HPRT1: variants seen among roughly 807,000 people sequenced by gnomAD.
The protein encoded by HPRT1 is hypoxanthine-guanine phosphoribosyltransferase.
A neutral mutation model predicts 19.0 loss-of-function variants in HPRT1; 4 were observed. That is an observed-to-expected ratio of 0.21 (90% CI 0.10 to 0.48). HPRT1 has a LOEUF of 0.48. Among genes scored for constraint, HPRT1 ranks in the 20% least tolerant of loss-of-function variants. The pLI, the probability that HPRT1 is intolerant of heterozygous loss-of-function variation, is 0.98. For missense variants in HPRT1, 65 were observed against 164.0 expected, an observed-to-expected ratio of 0.40 and a Z score of 3.30; for synonymous variants, 53 against 54.9, an observed-to-expected ratio of 0.97 and a Z score of 0.15.
Position 134,498,635 on chromosome X carries a change from T to TG in HPRT1, c.560_561insG (p.Phe187LeufsTer8). ...GTTGGATTTGAAATTCCAGACAAGT[T>TG]TGTTGTAGGATATGCCCTTGACTAT... On this transcript the variant is annotated frameshift_variant, in exon 8 of 9. Transcript: ENST00000298556. LOFTEE classifies it high-confidence loss of function. 1 of 1,187,567 alleles carries TG rather than the reference T, an allele frequency of 8.4e-7. No homozygotes were observed. Among genetic ancestry groups the TG allele is most frequent in the Non-Finnish European group, 1.1e-6 (1 of 873,225 alleles).
chrX:134,498,209 C>T (rs1236985126), intron 6 of HPRT1, among the ~76,000 whole-genome samples, 181 bp from the exon 7 acceptor site: 1 of 111,906 alleles, frequency 8.9e-6, no homozygotes, highest in Admixed American at 9.5e-5. Context: ...CATTGCTGCC[C>T]CTTCCTAGTA....
intron 1 of HPRT1, among the ~76,000 whole-genome samples, chrX:134,460,929 C>T (rs982797179): frequency 9.0e-6 from 1 of 111,598 alleles, no homozygotes; most frequent in African/African-American, 3.3e-5. Context: ...CACGAAGGAA[C>T]TAGGGAAAAG....
At chrX:134,497,394 G>A (rs72615440) in intron 6 of HPRT1, among the ~76,000 whole-genome samples, 1 of 111,521 alleles carries the variant, frequency 9.0e-6, no homozygotes. Flanking sequence ...CACTTTGGGA[G>A]GCCGAGGTGG....
intron 1 of HPRT1, among the ~76,000 whole-genome samples, chrX:134,463,307 T>C (rs765344119): frequency 2.1e-4 from 23 of 112,014 alleles, no homozygotes; most frequent in Non-Finnish European, 3.9e-4. Flanking sequence ...GTGAAAGATA[T>C]GCTTTATGTG....
chrX:134,460,197 A>C lies in HPRT1; in HGVS notation c.-115A>C, dbSNP rs1366914964. 1 of 820,068 alleles carries C rather than the reference A, an allele frequency of 1.2e-6. No homozygotes were observed. The highest frequency in any genetic ancestry group is 3.8e-4 in the Middle Eastern group (1 of 2,640). 67.6% of individuals were successfully genotyped at this position (820,068 alleles called of 1,213,427 possible). On this transcript the variant is annotated 5_prime_UTR_variant, in exon 1 of 9. Coordinates refer to ENST00000298556, the MANE Select transcript of HPRT1 (RefSeq NM_000194.3). The stretch of plus-strand genomic sequence containing the variant: ...GGCGGCTGCGACGAGCCCTCAGGCG[A>C]ACCTCTCGGCTTTCCCGCGCGGCGC...
intron 1 of HPRT1, among the ~76,000 whole-genome samples, chrX:134,466,679 C>A (rs1398207652): frequency 8.9e-6 from 1 of 111,928 alleles, no homozygotes; most frequent in Non-Finnish European, 1.9e-5. Flanking sequence ...ACATGCAACA[C>A]CAAGTCACAA....
intron 6 of HPRT1, among the ~76,000 whole-genome samples, chrX:134,493,852 A>G (rs1315839137): frequency 9.0e-6 from 1 of 111,492 alleles, no homozygotes; most frequent in Non-Finnish European, 1.9e-5. Context: ...ATAGCATGGC[A>G]GAGGATTTTG....
chrX:134,483,696 A>G (rs2077645475), intron 3 of HPRT1, among the ~76,000 whole-genome samples: 1 of 111,684 alleles, frequency 9.0e-6, no homozygotes, highest in African/African-American at 3.3e-5. Context: ...CAGACAGCCA[A>G]GGAGGGAGGT....
intron 2 of HPRT1, among the ~76,000 whole-genome samples, chrX:134,474,080 A>G (rs2077617187): frequency 1.8e-5 from 2 of 111,831 alleles, no homozygotes; most frequent in Admixed American, 9.6e-5. Flanking sequence ...ATTTTAACGT[A>G]TGAGTATAGT....
chrX:134,483,477 A>G (rs755601776), intron 3 of HPRT1, among the ~76,000 whole-genome samples: 2 of 111,696 alleles, frequency 1.8e-5, no homozygotes, highest in Non-Finnish European at 3.8e-5. Context: ...TTCTCTGGCA[A>G]TTTTATGTAG....
intron 6 of HPRT1, among the ~76,000 whole-genome samples, chrX:134,495,165 C>T (rs1336637914): frequency 2.9e-5 from 3 of 102,953 alleles, no homozygotes; most frequent in African/African-American, 1.1e-4. Context: ...CACTGCACTC[C>T]AGCCTGGGTG....
chrX:134,477,153 C>T (rs190507212), intron 3 of HPRT1, among the ~76,000 whole-genome samples: 243 of 106,224 alleles, frequency 2.3e-3, no homozygotes, highest in African/African-American at 7.9e-3. Flanking sequence ...CTCCACCTCC[C>T]GGGTTCAAGC....
At chrX:134,498,533 A>G in intron 7 of HPRT1, 75 bp from the exon 8 acceptor site, 1 of 981,092 alleles carries the variant, frequency 1.0e-6, no homozygotes, top group Non-Finnish European at 1.5e-6. Flanking sequence ...ATATTTGTAG[A>G]GAGGCACATT....
chrX:134,486,459 A>G lies in HPRT1; in HGVS notation c.319-6A>G. ...TATATATATAGTTTTTTTTTTTTTT[A>G]ACTAGAATGACCAGTCAACAGGGGA... On this transcript the variant is annotated splice_region_variant and splice_polypyrimidine_tract_variant and intron_variant, in intron 3 of 8. Coordinates refer to ENST00000298556, the MANE Select transcript of HPRT1 (RefSeq NM_000194.3). 1.0e-6 allele frequency: 1 copy of G among 965,766 alleles called. No homozygotes were observed. Among genetic ancestry groups the G allele is most frequent in the Non-Finnish European group, 1.4e-6 (1 of 715,160 alleles). 79.6% of individuals were successfully genotyped at this position (965,766 alleles called of 1,213,427 possible). A position where few individuals can be genotyped will look rare whatever the true frequency, so the allele number is the denominator to read the frequency against.
chrX:134,464,901 T>C (rs1433570654), intron 1 of HPRT1, among the ~76,000 whole-genome samples: 1 of 108,831 alleles, frequency 9.2e-6, no homozygotes, highest in African/African-American at 3.4e-5. Flanking sequence ...TTCCATTAAG[T>C]CTTGTTTGGA....
At chrX:134,472,854 C>T (rs1165576518) in intron 1 of HPRT1, among the ~76,000 whole-genome samples, 4 of 110,177 alleles carry the variant, frequency 3.6e-5, no homozygotes, top group Admixed American at 1.9e-4. Flanking sequence ...GGATTACAGG[C>T]GTGAGCCACC....
chrX:134,480,766 TACAC>T (rs748211684), intron 3 of HPRT1, among the ~76,000 whole-genome samples: 14 of 92,157 alleles, frequency 1.5e-4, no homozygotes, highest in South Asian at 5.4e-4. Flanking sequence ...TAACTTAAAA[TACAC>T]ACACACACAC....
intron 1 of HPRT1, among the ~76,000 whole-genome samples, chrX:134,466,619 A>G (rs2077597629): frequency 8.9e-6 from 1 of 111,736 alleles, no homozygotes; most frequent in Non-Finnish European, 1.9e-5. Flanking sequence ...GTATTTTGTT[A>G]TGGCAGCCTG....
At chrX:134,477,144 T>G (rs1055358792) in intron 3 of HPRT1, among the ~76,000 whole-genome samples, 3 of 106,454 alleles carry the variant, frequency 2.8e-5, no homozygotes, top group Admixed American at 1.0e-4. Flanking sequence ...CACTGCAACC[T>G]CCACCTCCCG....
Sources: gnomAD v4.1 joint callset for allele counts (sites outside exome capture counted in the v4.1 genomes callset) on GRCh38, gnomAD v4.1.1 for gene constraint, MANE v1.5 for transcripts, NCBI Gene and HGNC (gene_info 2026-07-23, HGNC 2026-07-21) for gene names.